PECAM1: variants seen among roughly 807,000 people sequenced by gnomAD.
PECAM1 encodes the protein platelet endothelial cell adhesion molecule.
PECAM1 carries 8 observed loss-of-function variants against 13.8 expected under a neutral mutation model. That is an observed-to-expected ratio of 0.58 (90% CI 0.34 to 1.05). The LOEUF is 1.05. Among genes scored for constraint, PECAM1 ranks in the 50% least tolerant of loss-of-function variants. PECAM1 has a pLI of 0.03. For synonymous variants in PECAM1, 136 were observed against 52.6 expected (o/e 2.58, Z -6.86); for missense variants, 304 against 141.2 (o/e 2.15, Z -5.84).
chr17:64,330,418 G>A (rs976925152), intron 14 of PECAM1, among the ~76,000 whole-genome samples: 5 of 151,888 alleles, frequency 3.3e-5, no homozygotes, highest in East Asian at 3.9e-4. Flanking sequence ...TGAGGCAGGC[G>A]GATCACCTGA....
At chr17:64,325,115 G>A (rs1415266941) in intron 15 of PECAM1, among the ~76,000 whole-genome samples, 3 of 152,240 alleles carry the variant, frequency 2.0e-5, no homozygotes, top group South Asian at 2.1e-4. Context: ...CCGGGCGGGC[G>A]CAGTGGCTCA....
At chr17:64,353,447 C>T in intron 10 of PECAM1, 44 bp downstream of exon 10, 1 of 457,968 alleles carries the variant, frequency 2.2e-6, no homozygotes, top group Non-Finnish European at 4.0e-6. Flanking sequence ...GACATGTCCA[C>T]CGTGCTCACA....
chr17:64,324,097 C>T (rs1305710017), intron 15 of PECAM1, among the ~76,000 whole-genome samples: 3 of 152,168 alleles, frequency 2.0e-5, no homozygotes, highest in African/African-American at 7.2e-5. Context: ...GTCAAATTTA[C>T]TTAATACAAC....
chr17:64,342,868 C>T (rs2143738743), intron 13 of PECAM1, among the ~76,000 whole-genome samples: 1 of 152,138 alleles, frequency 6.6e-6, no homozygotes, highest in South Asian at 2.1e-4. Context: ...TATGTATACC[C>T]TCATACAGTG....
intron 2 of PECAM1, among the ~76,000 whole-genome samples, chr17:64,382,008 G>A (rs28541495): frequency 0.038 from 5,856 of 152,220 alleles, 380 homozygotes; most frequent in African/African-American, 0.13. Flanking sequence ...ACTGAGGCAG[G>A]AGAACTGCTT....
At chr17:64,384,848 T>C (rs1159547271) in intron 2 of PECAM1, among the ~76,000 whole-genome samples, 3 of 152,246 alleles carry the variant, frequency 2.0e-5, no homozygotes, top group South Asian at 2.1e-4. Flanking sequence ...GTAACAAATA[T>C]ACCACGCAAC....
At chr17:64,381,650 A>G (rs2036482920) in intron 2 of PECAM1, among the ~76,000 whole-genome samples, 1 of 152,212 alleles carries the variant, frequency 6.6e-6, no homozygotes, top group Non-Finnish European at 1.5e-5. Context: ...GACAACAAAA[A>G]TGGTGTCTGA....
rs1449926508 is a variant in PECAM1 at position 64,322,386 on chromosome 17, C to CA, written c.*1429dup. The CA allele has an allele frequency of 2.5e-5, 25 of 985,224 alleles. No homozygotes were observed. The highest frequency in any genetic ancestry group is 3.0e-5 in the Non-Finnish European group (25 of 829,490). The allele number at this position is 985,224 out of a possible 1,614,324, so 61.0% of individuals were successfully genotyped here. On this transcript the variant is annotated 3_prime_UTR_variant, in exon 16 of 16. Transcript: ENST00000563924. Reference sequence around the variant, plus strand: ...GGGCAACAAGAGCGAATCTCCGTCTCAAAACAACAAAACAAAAACATAGAC... The same window carrying CA: ...GGGCAACAAGAGCGAATCTCCGTCTCAAAAACAACAAAACAAAAACATAGAC...
intron 2 of PECAM1, among the ~76,000 whole-genome samples, chr17:64,379,882 G>A (rs995479534): frequency 6.6e-6 from 1 of 151,818 alleles, no homozygotes; most frequent in African/African-American, 2.4e-5. Flanking sequence ...AGAATCAGCT[G>A]GGCATGATGG....
chr17:64,365,667 C>T (rs1483627299), intron 5 of PECAM1, among the ~76,000 whole-genome samples: 7 of 150,778 alleles, frequency 4.6e-5, no homozygotes, highest in Non-Finnish European at 7.4e-5. Context: ...GGAATAACGC[C>T]GCATATCAAC....
At chr17:64,368,416 A>C (rs1208143582) in intron 5 of PECAM1, among the ~76,000 whole-genome samples, 1 of 152,130 alleles carries the variant, frequency 6.6e-6, no homozygotes, top group Non-Finnish European at 1.5e-5. Flanking sequence ...AACAGGCCTG[A>C]GGGTGACTCT....
At chr17:64,364,019 A>C (rs2036045699) in intron 5 of PECAM1, among the ~76,000 whole-genome samples, 2 of 152,170 alleles carry the variant, frequency 1.3e-5, no homozygotes. Context: ...CCTTCAAAAA[A>C]TTAATGAATC....
At chr17:64,383,098 T>C (rs1029438163) in intron 2 of PECAM1, among the ~76,000 whole-genome samples, 1 of 152,174 alleles carries the variant, frequency 6.6e-6, no homozygotes, top group Non-Finnish European at 1.5e-5. Flanking sequence ...TTAAAGCGAC[T>C]TCTCCAGCCT....
intron 13 of PECAM1, among the ~76,000 whole-genome samples, chr17:64,346,693 T>C (rs1319859386): frequency 6.6e-6 from 1 of 152,150 alleles, no homozygotes; most frequent in Non-Finnish European, 1.5e-5. Context: ...TCTAGCATTT[T>C]CTATGGAGCA....
intron 14 of PECAM1, 117 bp from the exon 15 acceptor site, chr17:64,329,839 A>G (rs1382555360): frequency 4.2e-6 from 3 of 712,722 alleles, no homozygotes; most frequent in Non-Finnish European, 7.9e-6. Flanking sequence ...GAGAGCCAGG[A>G]GACATCAGCC....
At chr17:64,351,857 T>C (rs1423209053) in intron 11 of PECAM1, among the ~76,000 whole-genome samples, 1 of 152,232 alleles carries the variant, frequency 6.6e-6, no homozygotes, top group African/African-American at 2.4e-5. Flanking sequence ...GATTAAGAAC[T>C]CCTAGGACTG....
At position 64,390,636 on chromosome 17, in the gene PECAM1, C is replaced by T. The variant is rs2036698266; in HGVS notation, c.30G>A (p.Thr10=). The change falls in exon 1 of 16, where the codon ACG becomes ACA. Residue 10 remains threonine, a synonymous_variant. Coordinates refer to ENST00000563924, the MANE Select transcript of PECAM1 (RefSeq NM_000442.5). The stretch of plus-strand genomic sequence containing the variant: ...GGGTCAGCAGGACTCCAAGCCACAT[C>T]GTGGCCCCTTGGGCCCACCTCGGCT... MQPRWAQGA[T]MWLGVLLTLL... 2.3e-5 allele frequency: 11 copies of T among 471,384 alleles called. No individual in the cohort carries two copies. The highest frequency in any genetic ancestry group is 3.9e-5 in the Non-Finnish European group (10 of 257,260). 29.2% of individuals were successfully genotyped at this position (471,384 alleles called of 1,614,324 possible). A position where few individuals can be genotyped will look rare whatever the true frequency, so the allele number is the denominator to read the frequency against.
At chr17:64,328,485 C>T (rs1428704673) in intron 15 of PECAM1, among the ~76,000 whole-genome samples, 1 of 152,228 alleles carries the variant, frequency 6.6e-6, no homozygotes, top group Non-Finnish European at 1.5e-5. Context: ...GTTTCCTCAT[C>T]TGTAAATTGG....
At chr17:64,365,131 A>T (rs1456806916) in intron 5 of PECAM1, among the ~76,000 whole-genome samples, 1 of 150,178 alleles carries the variant, frequency 6.7e-6, no homozygotes, top group Non-Finnish European at 1.5e-5. Context: ...AAGTCTCAGG[A>T]TACAAAATCA....
Sources: allele counts gnomAD v4.1 joint callset (sites outside exome capture counted in the v4.1 genomes callset), GRCh38; gene constraint gnomAD v4.1.1; transcripts MANE v1.5; gene names NCBI Gene and HGNC (gene_info 2026-07-23, HGNC 2026-07-21).